Variants in DELE1 observed in about 807,000 individuals in gnomAD.
DELE1 encodes the protein death ligand signal enhancer.
Under a neutral mutation model 59.3 loss-of-function variants are expected in DELE1, and 54 were observed. The ratio of observed to expected loss-of-function variants is 0.91; its 90% CI spans 0.73 to 1.14. The LOEUF is 1.14. DELE1 is among the 50% of genes most tolerant of loss of function. The pLI is 0.00. For synonymous variants in DELE1, 264 were observed against 259.1 expected, an observed-to-expected ratio of 1.02 and a Z score of -0.18; for missense variants, 636 against 643.9, an observed-to-expected ratio of 0.99 and a Z score of 0.13.
In DELE1 at chr5:141,929,750, T is replaced by C. The variant is rs1332463396; in HGVS notation, c.571+10T>C. ...GACCCCTCTGAGGAAGGTATGTCCC[T>C]GCCTCATGGAATCAGCAGAAGGCAG... On this transcript the variant is annotated intron_variant, in intron 5 of 11. Coordinates refer to ENST00000432126, the MANE Select transcript of DELE1 (RefSeq NM_014773.5). The C allele has an allele frequency of 6.2e-7, 1 of 1,613,918 alleles. No homozygotes were observed. The highest frequency in any genetic ancestry group is 1.7e-5 in the Admixed American group (1 of 60,004).
chr5:141,925,251 T>TG, intron 2 of DELE1, among the ~76,000 whole-genome samples, 159 bp from the exon 3 acceptor site: 1 of 152,128 alleles, frequency 6.6e-6, no homozygotes, highest in Non-Finnish European at 1.5e-5. Context: ...TTAGTAGAGA[T>TG]GGGGTTTCAC....
intron 10 of DELE1, 41 bp from the exon 11 acceptor site, chr5:141,937,157 C>T (rs762496333): frequency 3.1e-6 from 5 of 1,610,630 alleles, no homozygotes; most frequent in Admixed American, 1.7e-5. Context: ...TTCCTCATTC[C>T]TGCATGTGTG....
In DELE1 at chr5:141,934,028, T is replaced by C. The variant is rs1752160824; in HGVS notation, c.898-212T>C. ...ATTTGCAAGGCTGTACGCTAAAATT[T>C]TAAGCAAGAATGATCTTTAGGAGGC... On this transcript the variant is annotated intron_variant, in intron 8 of 11. Transcript: ENST00000432126. 7 of 423,602 alleles carry C rather than the reference T, an allele frequency of 1.7e-5. No homozygotes were observed. The South Asian group carries it at 3.3e-4, about 20-fold the overall frequency. The allele number at this position is 423,602 out of a possible 1,614,324, so 26.2% of individuals were successfully genotyped here. A position where few individuals can be genotyped will look rare whatever the true frequency, so the allele number is the denominator to read the frequency against.
chr5:141,940,077 A>C lies in DELE1; in HGVS notation c.*1318A>C. 3 of 985,362 alleles carry C rather than the reference A, an allele frequency of 3.0e-6. No homozygotes were observed. Among genetic ancestry groups the C allele is most frequent in the Non-Finnish European group, 3.6e-6 (3 of 829,894 alleles). The allele number at this position is 985,362 out of a possible 1,614,324, so 61.0% of individuals were successfully genotyped here. A position where few individuals can be genotyped will look rare whatever the true frequency, so the allele number is the denominator to read the frequency against. On this transcript the variant is annotated 3_prime_UTR_variant, in exon 12 of 12. Transcript: ENST00000432126. ...GGAGTCTTAAAGCTGGAGAGTATAGATTTTGAGGTCCCCATTTGGGAAACA... is the reference window on the plus strand; with the variant it reads ...GGAGTCTTAAAGCTGGAGAGTATAGCTTTTGAGGTCCCCATTTGGGAAACA...
rs1752589240 is a variant in DELE1 at position 141,939,098 on chromosome 5, C to T, written c.*339C>T. ...ATAACTTACCTTCTTCCTTCTTATG[C>T]CTGGGTTTTCTCACACTTAAATCTG... On this transcript the variant is annotated 3_prime_UTR_variant, in exon 12 of 12. Transcript: ENST00000432126. 3.8e-6 allele frequency: 4 copies of T among 1,051,398 alleles called. No homozygotes were observed. The highest frequency in any genetic ancestry group is 4.6e-6 in the Non-Finnish European group (4 of 871,122). 65.1% of individuals were successfully genotyped at this position (1,051,398 alleles called of 1,614,324 possible). A position where few individuals can be genotyped will look rare whatever the true frequency, so the allele number is the denominator to read the frequency against.
chr5:141,927,254 G>A (rs992087000), intron 3 of DELE1, among the ~76,000 whole-genome samples: 5 of 152,104 alleles, frequency 3.3e-5, no homozygotes, highest in Admixed American at 6.5e-5. Context: ...AGGCTGGAGC[G>A]CAGTGGTGCG....
intron 7 of DELE1, among the ~76,000 whole-genome samples, chr5:141,932,263 G>A (rs948874804): frequency 1.3e-5 from 2 of 152,136 alleles, no homozygotes; most frequent in African/African-American, 4.8e-5. Flanking sequence ...ATCCTTTCCT[G>A]TTTCCTTTTT....
intron 3 of DELE1, among the ~76,000 whole-genome samples, chr5:141,926,655 C>T (rs765907030): frequency 1.2e-4 from 18 of 152,262 alleles, no homozygotes; most frequent in Admixed American, 2.0e-4. Context: ...TTGGCTTTCT[C>T]ATCTGTAAAT....
At chr5:141,930,722 G>A (rs1035653411) in intron 7 of DELE1, among the ~76,000 whole-genome samples, 52 of 152,328 alleles carry the variant, frequency 3.4e-4, no homozygotes, top group African/African-American at 1.2e-3. Flanking sequence ...AGGCTCCTGG[G>A]GTTTGGAGCA....
intron 11 of DELE1, 49 bp downstream of exon 11, chr5:141,937,406 T>C: frequency 6.3e-7 from 1 of 1,595,168 alleles, no homozygotes; most frequent in Non-Finnish European, 8.6e-7. Flanking sequence ...AGCTCAGTAC[T>C]CTGTGACAGA....
Position 141,924,618 on chromosome 5 carries a change from G to T in DELE1, c.69G>T (p.Val23=), listed in dbSNP as rs1751219970. The part of the protein sequence containing the change: ...PRTLGPSLWR[V]TPKSTSPDGP... The stretch of plus-strand genomic sequence containing the variant: ...CACTGGGACCTAGCCTCTGGAGGGT[G>T]ACTCCTAAGTCCACCAGCCCAGATG... The change falls in exon 2 of 12, where the codon GTG becomes GTT. Residue 23 remains valine (V), a synonymous_variant. Coordinates refer to ENST00000432126, the MANE Select transcript of DELE1 (RefSeq NM_014773.5). 1 of 1,613,982 alleles carries T rather than the reference G, an allele frequency of 6.2e-7. No individual in the cohort carries two copies. Among genetic ancestry groups the T allele is most frequent in the African/African-American group, 1.3e-5 (1 of 74,914 alleles).
At chr5:141,937,149 C>T in intron 10 of DELE1, 49 bp from the exon 11 acceptor site, 2 of 1,607,428 alleles carry the variant, frequency 1.2e-6, no homozygotes, top group Non-Finnish European at 1.7e-6. Context: ...CATGTCAGTT[C>T]CTCATTCCTG....
At chr5:141,928,825 C>CA (rs769620478) in intron 4 of DELE1, among the ~76,000 whole-genome samples, 7 of 149,396 alleles carry the variant, frequency 4.7e-5, no homozygotes. Flanking sequence ...AAACCCACCC[C>CA]ATAGGTTTCT....
At position 141,940,612 on chromosome 5, in the gene DELE1, A is replaced by C. The variant is rs1217966588; in HGVS notation, c.*1853A>C. The stretch of plus-strand genomic sequence containing the variant: ...CCTAGCACCTCTCTTTCACCCGGGG[A>C]GCCCAAGCGTCCTCTAGCTCCATCT... On this transcript the variant is annotated 3_prime_UTR_variant, in exon 12 of 12. Transcript: ENST00000432126. The C allele has an allele frequency of 2.3e-5, 23 of 985,582 alleles. No individual in the cohort carries two copies. Among genetic ancestry groups the C allele is most frequent in the Non-Finnish European group, 2.8e-5 (23 of 830,154 alleles). 61.1% of individuals were successfully genotyped at this position (985,582 alleles called of 1,614,324 possible). A position where few individuals can be genotyped will look rare whatever the true frequency, so the allele number is the denominator to read the frequency against.
chr5:141,924,037 G>A (rs1470471780), intron 1 of DELE1, 65 bp downstream of exon 1: 9 of 1,572,516 alleles, frequency 5.7e-6, no homozygotes, highest in African/African-American at 1.4e-5. Context: ...GTGGGGGCGG[G>A]CCCGAGGAAA....
chr5:141,923,900 T>A lies in DELE1; in HGVS notation c.-42T>A, dbSNP rs1440884764. 6 of 1,581,432 alleles carry A rather than the reference T, an allele frequency of 3.8e-6. No homozygotes were observed. The highest frequency in any genetic ancestry group is 4.3e-6 in the Non-Finnish European group (5 of 1,163,850). ...CTAGCCGCTGTCCCAAGGGTTGGTC[T>A]CGCGCTTTCGGCTGCGAGCTCTCTG... On this transcript the variant is annotated 5_prime_UTR_variant, in exon 1 of 12. Coordinates refer to ENST00000432126, the MANE Select transcript of DELE1 (RefSeq NM_014773.5).
chr5:141,930,311 G>A, intron 7 of DELE1, 37 bp downstream of exon 7: 1 of 1,444,236 alleles, frequency 6.9e-7, no homozygotes, highest in Non-Finnish European at 9.7e-7. Context: ...CAGGAGGGTG[G>A]GAAAATGGAA....
chr5:141,928,140 G>A lies in DELE1; in HGVS notation c.265-11G>A, dbSNP rs746478961. The A allele has an allele frequency of 8.7e-6, 14 of 1,611,920 alleles. No homozygotes were observed. The Middle Eastern group carries it at 6.6e-4, about 76-fold the overall frequency. The stretch of plus-strand genomic sequence containing the variant: ...TGAAGGACCGTGTCCTTAACGTGCT[G>A]TCTTTCCCAGGGCACTCTGGCCGTG... On this transcript the variant is annotated splice_polypyrimidine_tract_variant and intron_variant, in intron 3 of 11. Transcript: ENST00000432126.
Position 141,941,391 on chromosome 5 carries a change from A to G in DELE1, c.*2632A>G. 1 of 985,462 alleles carries G rather than the reference A, an allele frequency of 1.0e-6. No individual in the cohort carries two copies. Among genetic ancestry groups the G allele is most frequent in the African/African-American group, 1.7e-5 (1 of 57,352 alleles). 61.0% of individuals were successfully genotyped at this position (985,462 alleles called of 1,614,324 possible). ...TCTCCTGTGGAAAGGGAAGGATGGC[A>G]GAGTCGTGAGAAAGGTGTTGTCAAG... On this transcript the variant is annotated 3_prime_UTR_variant, in exon 12 of 12. Coordinates refer to ENST00000432126, the MANE Select transcript of DELE1 (RefSeq NM_014773.5).
Sources: allele counts gnomAD v4.1 joint callset (sites outside exome capture counted in the v4.1 genomes callset), GRCh38; gene constraint gnomAD v4.1.1; transcripts MANE v1.5; gene names NCBI Gene and HGNC (gene_info 2026-07-23, HGNC 2026-07-21).